Variants in SMCO1 observed in about 807,000 individuals in gnomAD.
The protein encoded by SMCO1 is single-pass membrane protein with coiled-coil domains 1, also known as single-pass membrane and coiled-coil domain-containing protein 1.
In SMCO1, 9 loss-of-function variants were observed where a neutral mutation model predicts 7.5. The ratio of observed to expected loss-of-function variants is 1.20; its 90% CI spans 0.72 to 2.09. The LOEUF (loss-of-function observed/expected upper bound fraction) is 2.09. Ranked by LOEUF, SMCO1 falls within the 30% of genes most tolerant of loss-of-function variation. The pLI, the probability that SMCO1 is intolerant of heterozygous loss-of-function variation, is 0.00. For synonymous variants in SMCO1, 90 were observed against 93.8 expected, an observed-to-expected ratio of 0.96 and a Z score of 0.23; for missense variants, 219 against 253.1, an observed-to-expected ratio of 0.87 and a Z score of 0.91.
At chr3:196,519,118 G>A (rs542394682), upstream of SMCO1, among the ~76,000 whole-genome samples, 35 of 152,276 alleles carry the variant, frequency 2.3e-4, no homozygotes, top group African/African-American at 6.7e-4. Context: ...TTCTATCTGC[G>A]ATCACTATGT....
chr3:196,512,633 T>G (rs1733278594), intron 1 of SMCO1, among the ~76,000 whole-genome samples: 1 of 149,812 alleles, frequency 6.7e-6, no homozygotes, highest in African/African-American at 2.4e-5. Context: ...TGCCTCAGTC[T>G]CCCGAGTAGC....
Position 196,508,261 on chromosome 3 carries a change from C to A in SMCO1, c.271G>T (p.Val91Leu), listed in dbSNP as rs1733110632. The part of the protein sequence containing the change: ...IEVLICLHTR[V>L]LEKLPDLVRG... ...ACCAGGTCTGGCAGCTTCTCAAGCA[C>A]ACGAGTATGCAAGCAGATAAGTACT... is the stretch of plus-strand genomic sequence containing the variant. Residue 91 changes from valine to leucine, a missense_variant, in exon 3 of 3, where the codon GTG becomes TTG. Transcript: ENST00000397537. 1 of 1,613,866 alleles carries A rather than the reference C, an allele frequency of 6.2e-7. No homozygotes were observed. The highest frequency in any genetic ancestry group is 1.7e-5 in the Admixed American group (1 of 59,984).
intron 1 of SMCO1, 142 bp downstream of exon 1, chr3:196,515,018 G>T: frequency 2.0e-6 from 2 of 990,280 alleles, no homozygotes; most frequent in Non-Finnish European, 1.6e-6. Flanking sequence ...GGGATTACAG[G>T]TGTGAGCCAC....
upstream of SMCO1, among the ~76,000 whole-genome samples, chr3:196,516,603 T>C (rs1193843685): frequency 1.3e-5 from 2 of 152,222 alleles, no homozygotes; most frequent in East Asian, 1.9e-4. Context: ...CTGAGCATCA[T>C]AGATATTAAT....
chr3:196,512,033 C>G (rs557442772), intron 1 of SMCO1, among the ~76,000 whole-genome samples: 1 of 147,266 alleles, frequency 6.8e-6, no homozygotes, highest in Non-Finnish European at 1.5e-5. Flanking sequence ...ATGAGGGAAA[C>G]TTGCCTGGGC....
At position 196,507,725 on chromosome 3, in the gene SMCO1, T is replaced by C. The variant is rs1452718873; in HGVS notation, c.*162A>G. On this transcript the variant is annotated 3_prime_UTR_variant, in exon 3 of 3. Coordinates refer to ENST00000397537, the MANE Select transcript of SMCO1 (RefSeq NM_001077657.3). ...CACAAAGAGCTTCTTCATTCTTTTATATGGCTGCAAAGAAAGTATCTATTG... is the reference window on the plus strand; with the variant it reads ...CACAAAGAGCTTCTTCATTCTTTTACATGGCTGCAAAGAAAGTATCTATTG... 8.6e-6 allele frequency: 5 copies of C among 584,322 alleles called. No homozygotes were observed. Among genetic ancestry groups the C allele is most frequent in the Non-Finnish European group, 3.0e-6 (1 of 329,458 alleles). 36.2% of individuals were successfully genotyped at this position (584,322 alleles called of 1,614,324 possible). A position where few individuals can be genotyped will look rare whatever the true frequency, so the allele number is the denominator to read the frequency against.
chr3:196,518,021 A>G (rs1308391842), upstream of SMCO1, among the ~76,000 whole-genome samples: 1 of 152,252 alleles, frequency 6.6e-6, no homozygotes, highest in Non-Finnish European at 1.5e-5. Flanking sequence ...GGTGGCTAAG[A>G]GCCAGGTTCA....
intron 1 of SMCO1, among the ~76,000 whole-genome samples, chr3:196,513,427 G>A (rs1484588695): frequency 6.6e-6 from 1 of 151,896 alleles, no homozygotes; most frequent in Admixed American, 6.6e-5. Context: ...TCAAGAGATC[G>A]AGACCATCCT....
At chr3:196,509,122 T>A (rs6803397) in intron 2 of SMCO1, among the ~76,000 whole-genome samples, 48,947 of 146,956 alleles carry the variant, frequency 0.33, 8,840 homozygotes, top group Middle Eastern at 0.48. Flanking sequence ...AGATCTCGGC[T>A]CACTGCAAGC....
In SMCO1 at chr3:196,515,221, A is replaced by G; in HGVS notation, c.-12T>C. The G allele has an allele frequency of 6.3e-7, 1 of 1,588,870 alleles. No individual in the cohort carries two copies. The highest frequency in any genetic ancestry group is 2.2e-5 in the East Asian group (1 of 44,784). On this transcript the variant is annotated 5_prime_UTR_variant, in exon 1 of 3. Coordinates refer to ENST00000397537, the MANE Select transcript of SMCO1 (RefSeq NM_001077657.3). ...GTTTCATTGTTCATCTTCTGAAGGCAAAAGGAAAGAAAACAAAAACAAAGC... is the reference window on the plus strand; with the variant it reads ...GTTTCATTGTTCATCTTCTGAAGGCGAAAGGAAAGAAAACAAAAACAAAGC...
At chr3:196,514,363 C>T (rs563136498) in intron 1 of SMCO1, among the ~76,000 whole-genome samples, 1 of 152,264 alleles carries the variant, frequency 6.6e-6, no homozygotes, top group Admixed American at 6.5e-5. Context: ...GTTTCCTCAG[C>T]CTAGAATGCC....
At chr3:196,514,709 G>A (rs1733335936) in intron 1 of SMCO1, among the ~76,000 whole-genome samples, 1 of 152,166 alleles carries the variant, frequency 6.6e-6, no homozygotes, top group Non-Finnish European at 1.5e-5. Context: ...AATTTACATA[G>A]GTTTGGGCCT....
upstream of SMCO1, among the ~76,000 whole-genome samples, chr3:196,516,030 T>TAA (rs1553865667): frequency 3.3e-4 from 37 of 113,344 alleles, 1 homozygote; most frequent in Middle Eastern, 4.2e-3. Flanking sequence ...TATATATATA[T>TAA]AATTATATAT....
rs769907990 is a variant in SMCO1 at position 196,507,942 on chromosome 3, G to T, written c.590C>A (p.Thr197Asn). The change falls in exon 3 of 3, where the codon ACC (threonine) becomes AAC (asparagine). Residue 197 changes from threonine (T) to asparagine (N), a missense_variant. Physicochemically the swap from Thr to Asn is moderately conservative, Grantham distance 65. Transcript: ENST00000397537. Reference protein sequence around the residue: ...QVIEKGKAVRTPEKQKSSLEE... With the variant: ...QVIEKGKAVRNPEKQKSSLEE... Reference sequence around the variant, plus strand: ...GAGGGATGACTTTTGCTTTTCAGGGGTCCTAACTGCTTTCCCCTTCTCAAT... The same window carrying T: ...GAGGGATGACTTTTGCTTTTCAGGGTTCCTAACTGCTTTCCCCTTCTCAAT... The T allele has an allele frequency of 8.7e-6, 14 of 1,614,044 alleles. No individual in the cohort carries two copies. Among genetic ancestry groups the T allele is most frequent in the Non-Finnish European group, 1.2e-5 (14 of 1,180,002 alleles).
At chr3:196,520,887 T>C in the SMCO1 span, among the ~76,000 whole-genome samples, 5 of 152,240 alleles carry the variant, frequency 3.3e-5, no homozygotes. Context: ...GAGATGATCA[T>C]GGATATTATC....
intron 2 of SMCO1, among the ~76,000 whole-genome samples, chr3:196,508,608 G>A (rs534022413): frequency 2.7e-5 from 4 of 150,682 alleles, no homozygotes; most frequent in South Asian, 2.2e-4. Flanking sequence ...GATTAAAGGC[G>A]TGAGCCATCA....
upstream of SMCO1, among the ~76,000 whole-genome samples, chr3:196,517,013 C>T (rs1327187637): frequency 5.6e-5 from 8 of 143,848 alleles, no homozygotes; most frequent in East Asian, 8.7e-4. Context: ...ATAGGAGAAT[C>T]GCTCAAACCC....
intron 1 of SMCO1, among the ~76,000 whole-genome samples, chr3:196,512,856 T>C (rs1733286865): frequency 1.3e-5 from 2 of 152,152 alleles, no homozygotes; most frequent in African/African-American, 4.8e-5. Flanking sequence ...AAGATGGAGA[T>C]GTCAAACTCA....
intron 1 of SMCO1, among the ~76,000 whole-genome samples, chr3:196,514,718 C>T (rs1733336210): frequency 6.6e-6 from 1 of 152,152 alleles, no homozygotes; most frequent in African/African-American, 2.4e-5. Context: ...AGGTTTGGGC[C>T]TGGAAGACTT....
Sources: gnomAD v4.1 joint callset for allele counts (sites outside exome capture counted in the v4.1 genomes callset) on GRCh38, gnomAD v4.1.1 for gene constraint, MANE v1.5 for transcripts, NCBI Gene and HGNC (gene_info 2026-07-23, HGNC 2026-07-21) for gene names.